The following PCDHGB2 variants were observed in gnomAD, a reference collection of about 807,000 sequenced individuals.
PCDHGB2 encodes the protein protocadherin gamma-B2.
A neutral mutation model predicts 59.3 loss-of-function variants in PCDHGB2; 55 were observed. The observed-to-expected ratio is 0.93, with a 90% CI of 0.75 to 1.16. PCDHGB2 has a LOEUF of 1.16. Among genes scored for constraint, PCDHGB2 ranks in the 50% most tolerant of loss-of-function variants. The probability of loss-of-function intolerance (pLI) is 0.00; values close to 1 mark genes in which losing one functional copy is unlikely to be tolerated. For synonymous variants in PCDHGB2, 516 were observed against 512.0 expected (o/e 1.01, Z -0.11); for missense variants, 1,228 against 1,198.5 (o/e 1.02, Z -0.36).
Position 141,494,864 on chromosome 5 carries a change from G to T in PCDHGB2, c.2479G>T (p.Gly827Cys), listed in dbSNP as rs773899530. 12 of 1,613,950 alleles carry T rather than the reference G, an allele frequency of 7.4e-6. No individual in the cohort carries two copies. Among genetic ancestry groups the T allele is most frequent in the South Asian group, 1.1e-5 (1 of 91,080 alleles). ...TCAGGCCCAGAGACCCGGCACCAGC[G>T]GGTAGGTGACTGATTCTCCAGCCCA... Reference protein sequence around the residue: ...FSQAQRPGTSGSQNGDDTGTW... With the variant: ...FSQAQRPGTSCSQNGDDTGTW... Residue 827 changes from glycine to cysteine, a missense_variant and splice_region_variant, in exon 2 of 4, where the codon GGC becomes TGC. Physicochemically the swap from Gly to Cys is radical, Grantham distance 159 (BLOSUM62 -3). Around this residue, in one of 3 missense-constraint regions of PCDHGB2, gnomAD observed 433 missense variants for 441.8 expected, o/e 0.98. Coordinates refer to ENST00000522605, the MANE Select transcript of PCDHGB2 (RefSeq NM_018923.3).
chr5:141,476,744 C>A lies in PCDHGB2; in HGVS notation c.2422-18063C>A, dbSNP rs1168392300. ...CCTGGACCGAGAACGGGAGCCTAGT[C>A]TCCAGTTAGTGCTGACGGCGTTGGA... On this transcript the variant is annotated intron_variant, in intron 1 of 3. Coordinates refer to ENST00000522605, the MANE Select transcript of PCDHGB2 (RefSeq NM_018923.3). The surrounding 1 kb of genome is among the most constrained non-coding windows in gnomAD (Gnocchi z 7.6). 1.2e-6 allele frequency: 2 copies of A among 1,614,046 alleles called. No individual in the cohort carries two copies. Among genetic ancestry groups the A allele is most frequent in the Admixed American group, 3.3e-5 (2 of 60,034 alleles).
In PCDHGB2 at chr5:141,489,684, T is replaced by C. The variant is rs2099690710; in HGVS notation, c.2422-5123T>C. 1.2e-6 allele frequency: 2 copies of C among 1,614,062 alleles called. No individual in the cohort carries two copies. The highest frequency in any genetic ancestry group is 8.5e-7 in the Non-Finnish European group (1 of 1,180,034). On this transcript the variant is annotated intron_variant, in intron 1 of 3. Coordinates refer to ENST00000522605, the MANE Select transcript of PCDHGB2 (RefSeq NM_018923.3). This position sits in a 1 kb window ranked among gnomAD's most constrained non-coding sequence, Gnocchi z 4.5. ...TGCGCATCTCAGAATCAGCAGCATCTGGGGCACGATTCCCACTGGACAGTG... is the reference window on the plus strand; with the variant it reads ...TGCGCATCTCAGAATCAGCAGCATCCGGGGCACGATTCCCACTGGACAGTG...
intron 1 of PCDHGB2, among the ~76,000 whole-genome samples, chr5:141,368,256 T>G (rs982604434): frequency 6.6e-6 from 1 of 152,192 alleles, no homozygotes; most frequent in Non-Finnish European, 1.5e-5. Flanking sequence ...AAAGGTTAAT[T>G]GACACATTAA....
rs768676904 is a variant in PCDHGB2 at position 141,360,286 on chromosome 5, G to C, written c.151G>C (p.Ala51Pro). 6.2e-7 allele frequency: 1 copy of C among 1,613,932 alleles called. No homozygotes were observed. The highest frequency in any genetic ancestry group is 8.5e-7 in the Non-Finnish European group (1 of 1,179,888). The part of the protein sequence containing the change: ...LAKNSVVGNL[A>P]KDLGLSVRDL... The stretch of plus-strand genomic sequence containing the variant: ...CAAAAACTCGGTCGTAGGAAACCTC[G>C]CCAAGGATCTGGGGCTCAGCGTCCG... The change falls in exon 1 of 4, where the codon GCC (alanine) becomes CCC (proline). Residue 51 changes from alanine (A) to proline (P), a missense_variant. Physicochemically the swap from Ala to Pro is conservative, Grantham distance 27. This residue lies in a region of PCDHGB2 where 781 missense variants were observed against 721.6 expected (regional missense o/e 1.08). Transcript: ENST00000522605.
In PCDHGB2 at chr5:141,485,423, C is replaced by A; in HGVS notation, c.2422-9384C>A. On this transcript the variant is annotated intron_variant, in intron 1 of 3. Transcript: ENST00000522605. This position sits in a 1 kb window ranked among gnomAD's most constrained non-coding sequence, Gnocchi z 5.7. Reference sequence around the variant, plus strand: ...CCGTGTGGATTTGGACAGCGGAGCCCTGCTCATCAAGAACCCAATCGACCG... The same window carrying A: ...CCGTGTGGATTTGGACAGCGGAGCCATGCTCATCAAGAACCCAATCGACCG... 1 of 1,614,204 alleles carries A rather than the reference C, an allele frequency of 6.2e-7. No homozygotes were observed. The highest frequency in any genetic ancestry group is 8.5e-7 in the Non-Finnish European group (1 of 1,180,036).
At chr5:141,424,022 A>G (rs2096795541) in intron 1 of PCDHGB2, 13 of 1,046,584 alleles carry the variant, frequency 1.2e-5, no homozygotes, top group Non-Finnish European at 1.4e-5. Context: ...ATGATTCACA[A>G]ACACTTTTTA....
chr5:141,455,897 T>C (rs1330516646), intron 1 of PCDHGB2, among the ~76,000 whole-genome samples: 1 of 149,800 alleles, frequency 6.7e-6, no homozygotes, highest in African/African-American at 2.4e-5. Flanking sequence ...ATTTATTTAT[T>C]TATTTATTTA....
intron 1 of PCDHGB2, among the ~76,000 whole-genome samples, chr5:141,461,165 TG>T (rs2099010296): frequency 6.6e-6 from 1 of 152,146 alleles, no homozygotes; most frequent in South Asian, 2.1e-4. Flanking sequence ...ATAGTGGGAT[TG>T]CTGGATTGAA....
chr5:141,481,096 T>C (rs1162625304), intron 1 of PCDHGB2, among the ~76,000 whole-genome samples: 2 of 152,150 alleles, frequency 1.3e-5, no homozygotes, highest in East Asian at 1.9e-4. Flanking sequence ...AAAGCAGTAC[T>C]CTGGAACCTA....
intron 1 of PCDHGB2, among the ~76,000 whole-genome samples, chr5:141,437,926 T>C (rs1374182368): frequency 2.6e-5 from 4 of 152,058 alleles, no homozygotes; most frequent in Admixed American, 1.3e-4. Context: ...TTAGTAGAGA[T>C]GGGGTTTCAC....
rs1462148828 is a variant in PCDHGB2 at position 141,392,863 on chromosome 5, G to A, written c.2421+30307G>A. On this transcript the variant is annotated intron_variant, in intron 1 of 3. Transcript: ENST00000522605. ...AGACGCGGCGAGCTGATCCTGCTGT[G>A]CGCGCTGCTGGGAACGCTGTGGGAA... 3 of 1,612,774 alleles carry A rather than the reference G, an allele frequency of 1.9e-6. No individual in the cohort carries two copies. Among genetic ancestry groups the A allele is most frequent in the African/African-American group, 2.7e-5 (2 of 74,930 alleles).
chr5:141,454,798 T>A (rs866302149), intron 1 of PCDHGB2, among the ~76,000 whole-genome samples: 2 of 58,950 alleles, frequency 3.4e-5, no homozygotes, highest in Non-Finnish European at 6.4e-5. Context: ...TGGTTCTAAT[T>A]TTTTTTTTTT....
chr5:141,432,305 G>T lies in PCDHGB2; in HGVS notation c.2422-62502G>T. 1 of 1,614,254 alleles carries T rather than the reference G, an allele frequency of 6.2e-7. No individual in the cohort carries two copies. Among genetic ancestry groups the T allele is most frequent in the African/African-American group, 1.3e-5 (1 of 75,072 alleles). ...CAACTCCGACACTGGGGTACTGTAT[G>T]CGCTGAGCTCCTTCGACTACGAGCA... On this transcript the variant is annotated intron_variant, in intron 1 of 3. Transcript: ENST00000522605. This position sits in a 1 kb window ranked among gnomAD's most constrained non-coding sequence, Gnocchi z 6.0.
Position 141,477,568 on chromosome 5 carries a change from C to T in PCDHGB2, c.2422-17239C>T, listed in dbSNP as rs2099413139. The T allele has an allele frequency of 6.2e-7, 1 of 1,614,172 alleles. No individual in the cohort carries two copies. The highest frequency in any genetic ancestry group is 1.7e-4 in the Middle Eastern group (1 of 6,060). On this transcript the variant is annotated intron_variant, in intron 1 of 3. Transcript: ENST00000522605. This position sits in a 1 kb window ranked among gnomAD's most constrained non-coding sequence, Gnocchi z 4.9. ...TACTAAACCTAAGTGTCTGGGACCC[C>T]GACGCCCCGCAGAATGCTCGGCTTT...
chr5:141,462,781 G>A (rs893647456), intron 1 of PCDHGB2, among the ~76,000 whole-genome samples: 7 of 152,102 alleles, frequency 4.6e-5, no homozygotes, highest in African/African-American at 1.7e-4. Context: ...GTCATAATTT[G>A]TTGCTTATTT....
Position 141,506,445 on chromosome 5 carries a change from A to T in PCDHGB2, c.2569+964A>T, listed in dbSNP as rs1018306383. 3.8e-3 allele frequency among the ~76,000 whole-genome samples: 112 copies of T among 29,226 alleles called. No individual in the cohort carries two copies. The Middle Eastern group carries it at 0.08, about 21-fold the overall frequency. The allele number at this position is 29,226 out of a possible 152,430, so 19.2% of individuals were successfully genotyped here. ...CTGGGCAACAGTCTCGCTCTGTCTC[A>T]AAAAAAAAAAAAAAAAAAAAGAGCA... On this transcript the variant is annotated intron_variant, in intron 3 of 3. Transcript: ENST00000522605.
At chr5:141,468,889 G>T (rs2099184580) in intron 1 of PCDHGB2, among the ~76,000 whole-genome samples, 1 of 151,496 alleles carries the variant, frequency 6.6e-6, no homozygotes, top group African/African-American at 2.4e-5. Flanking sequence ...ATAATAATAA[G>T]GTACTAATAT....
At chr5:141,478,535 C>G (rs1359742091) in intron 1 of PCDHGB2, 1 of 1,607,794 alleles carries the variant, frequency 6.2e-7, no homozygotes, top group Non-Finnish European at 8.5e-7. Flanking sequence ...AGAGAGCGCC[C>G]CTCCCGGACA....
chr5:141,500,148 G>T (rs936567158), intron 2 of PCDHGB2, among the ~76,000 whole-genome samples: 6 of 150,990 alleles, frequency 4.0e-5, no homozygotes, highest in African/African-American at 1.5e-4. Flanking sequence ...ACTTTTCTTT[G>T]TGTAATCAAA....
Sources: allele counts gnomAD v4.1 joint callset (sites outside exome capture counted in the v4.1 genomes callset), GRCh38; gene constraint gnomAD v4.1.1; regional missense constraint gnomAD v4.1.1; non-coding constraint Gnocchi (gnomAD v3.1); transcripts MANE v1.5; gene names NCBI Gene and HGNC (gene_info 2026-07-23, HGNC 2026-07-21).